Variants in LRP1B observed in about 807,000 individuals in gnomAD.
LRP1B encodes low-density lipoprotein receptor-related protein 1B.
A neutral mutation model predicts 556.6 loss-of-function variants in LRP1B; 217 were observed. The observed-to-expected ratio is 0.39, with a 90% CI of 0.35 to 0.44. The LOEUF (loss-of-function observed/expected upper bound fraction) is 0.44. Among genes scored for constraint, LRP1B ranks in the 20% least tolerant of loss-of-function variants. The probability of loss-of-function intolerance (pLI) is 1.00; values close to 1 mark genes in which losing one functional copy is unlikely to be tolerated. For missense variants in LRP1B, 5,053 were observed against 5,620.8 expected, an observed-to-expected ratio of 0.90 and a Z score of 3.23; for synonymous variants, 2,047 against 1,865.8, an observed-to-expected ratio of 1.10 and a Z score of -2.50.
At chr2:140,933,916 C>T (rs1695126177) in intron 20 of LRP1B, among the ~76,000 whole-genome samples, 1 of 151,434 alleles carries the variant, frequency 6.6e-6, no homozygotes, top group Non-Finnish European at 1.5e-5. Flanking sequence ...CAGTTGGTTT[C>T]AGTATTAAGG....
chr2:141,639,280 G>T (rs1574176954), intron 2 of LRP1B, among the ~76,000 whole-genome samples: 1 of 126,346 alleles, frequency 7.9e-6, no homozygotes, highest in Admixed American at 8.6e-5. Flanking sequence ...TTCATTGCTG[G>T]ACCCAGGAGT....
chr2:140,473,543 G>A (rs972484700), intron 60 of LRP1B, among the ~76,000 whole-genome samples: 1 of 151,816 alleles, frequency 6.6e-6, no homozygotes, highest in African/African-American at 2.4e-5. Context: ...CACCATATAA[G>A]TGACATGATT....
At chr2:140,876,914 T>C (rs958469408) in intron 25 of LRP1B, among the ~76,000 whole-genome samples, 1 of 152,172 alleles carries the variant, frequency 6.6e-6, no homozygotes, top group Non-Finnish European at 1.5e-5. Context: ...GGAGAAAGAA[T>C]AATAATGTTT....
At chr2:142,015,458 A>G (rs1273577377) in intron 1 of LRP1B, among the ~76,000 whole-genome samples, 1 of 152,214 alleles carries the variant, frequency 6.6e-6, no homozygotes, top group Non-Finnish European at 1.5e-5. Flanking sequence ...GGACATAGGC[A>G]TGGGCAAAGA....
chr2:140,499,362 A>G (rs1689083273), intron 55 of LRP1B, among the ~76,000 whole-genome samples: 1 of 151,920 alleles, frequency 6.6e-6, no homozygotes, highest in Non-Finnish European at 1.5e-5. Context: ...GTTATCATAG[A>G]CATTAAATAC....
intron 35 of LRP1B, among the ~76,000 whole-genome samples, chr2:140,728,989 AATAAG>A (rs1175346842): frequency 6.6e-6 from 1 of 152,052 alleles, no homozygotes; most frequent in Non-Finnish European, 1.5e-5. Context: ...TATATAACAA[AATAAG>A]ATATGTAGAT....
chr2:140,414,848 A>G (rs4954831), intron 66 of LRP1B, among the ~76,000 whole-genome samples: 17,945 of 152,206 alleles, frequency 0.12, 1,505 homozygotes, highest in African/African-American at 0.23. Flanking sequence ...GAAGACAACC[A>G]TAAGGTCTGA....
chr2:140,333,311 GCATGTATAA>G (rs1558809306), intron 79 of LRP1B, among the ~76,000 whole-genome samples: 1 of 151,966 alleles, frequency 6.6e-6, no homozygotes, highest in African/African-American at 2.4e-5. Flanking sequence ...TTTCTGTATA[GCATGTATAA>G]CAATGTGACA....
chr2:141,171,672 A>G (rs1049254749), intron 7 of LRP1B, among the ~76,000 whole-genome samples: 1 of 152,080 alleles, frequency 6.6e-6, no homozygotes, highest in African/African-American at 2.4e-5. Flanking sequence ...GTGGTGTAGC[A>G]GCGTAAGAGT....
intron 6 of LRP1B, among the ~76,000 whole-genome samples, chr2:141,207,156 CTCATT>C (rs1682322995): frequency 1.3e-5 from 2 of 152,132 alleles, no homozygotes; most frequent in African/African-American, 4.8e-5. Context: ...TTTCCCTTAT[CTCATT>C]TAACAATTTT....
At chr2:141,418,433 T>TA (rs1680001226) in intron 3 of LRP1B, among the ~76,000 whole-genome samples, 1 of 41,362 alleles carries the variant, frequency 2.4e-5, no homozygotes, top group African/African-American at 2.1e-4. Flanking sequence ...GAGCACAATA[T>TA]TTTTTTTTTT....
intron 2 of LRP1B, among the ~76,000 whole-genome samples, chr2:141,583,524 A>G (rs1176793155): frequency 6.6e-6 from 1 of 152,120 alleles, no homozygotes; most frequent in Non-Finnish European, 1.5e-5. Context: ...AGTTTGAAAA[A>G]TAAGACAGAA....
At chr2:141,883,668 C>T (rs570530168) in intron 1 of LRP1B, among the ~76,000 whole-genome samples, 3 of 152,188 alleles carry the variant, frequency 2.0e-5, no homozygotes, top group East Asian at 3.9e-4. Flanking sequence ...AGACTGCAGT[C>T]AGCCATGACT....
rs766649234 is a variant in LRP1B at position 140,902,910 on chromosome 2, A to T, written c.3766+10T>A. 2.7e-5 allele frequency: 44 copies of T among 1,611,086 alleles called. No homozygotes were observed. The highest frequency in any genetic ancestry group is 3.1e-5 in the Non-Finnish European group (37 of 1,177,788). On this transcript the variant is annotated intron_variant, in intron 23 of 90. Transcript: ENST00000389484. ...TTAAATATAGCAACACACACAAAAT[A>T]GTTACTTACCAACACTTGTACAACT...
At chr2:141,225,064 A>G (rs149096777) in intron 6 of LRP1B, among the ~76,000 whole-genome samples, 2 of 152,316 alleles carry the variant, frequency 1.3e-5, no homozygotes, top group East Asian at 1.9e-4. Context: ...AGAGGTTCAA[A>G]TAGAACGTAA....
At chr2:141,962,087 A>G (rs1444259863) in intron 1 of LRP1B, among the ~76,000 whole-genome samples, 1 of 151,818 alleles carries the variant, frequency 6.6e-6, no homozygotes, top group Non-Finnish European at 1.5e-5. Flanking sequence ...GCTAAAATAC[A>G]GTAATTTTTA....
At chr2:141,748,831 C>G (rs1194521412) in intron 2 of LRP1B, among the ~76,000 whole-genome samples, 1 of 152,124 alleles carries the variant, frequency 6.6e-6, no homozygotes, top group African/African-American at 2.4e-5. Flanking sequence ...GCTCTGACTT[C>G]TGGGAATGGA....
At chr2:140,888,753 C>T (rs1271406680) in intron 23 of LRP1B, among the ~76,000 whole-genome samples, 1 of 151,730 alleles carries the variant, frequency 6.6e-6, no homozygotes, top group Non-Finnish European at 1.5e-5. Flanking sequence ...CACCTGAGGT[C>T]AGGAGTTTGA....
intron 41 of LRP1B, among the ~76,000 whole-genome samples, chr2:140,666,657 A>T (rs531735049): frequency 6.6e-6 from 1 of 152,218 alleles, no homozygotes; most frequent in Non-Finnish European, 1.5e-5. Context: ...ATTTCCAAGG[A>T]TTACTTTTAA....
Sources: allele counts gnomAD v4.1 joint callset (sites outside exome capture counted in the v4.1 genomes callset), GRCh38; gene constraint gnomAD v4.1.1; transcripts MANE v1.5; gene names NCBI Gene and HGNC (gene_info 2026-07-23, HGNC 2026-07-21).